KCNH1: variants seen among roughly 807,000 people sequenced by gnomAD.
The protein encoded by KCNH1 is potassium voltage-gated channel subfamily H member 1.
A neutral mutation model predicts 69.2 loss-of-function variants in KCNH1; 27 were observed. The ratio of observed to expected loss-of-function variants is 0.39; its 90% CI spans 0.29 to 0.54. The LOEUF (loss-of-function observed/expected upper bound fraction) is 0.54. Among genes scored for constraint, KCNH1 ranks in the 20% least tolerant of loss-of-function variants. KCNH1 has a pLI of 0.68. For synonymous variants in KCNH1, 456 were observed against 487.7 expected, an observed-to-expected ratio of 0.93 and a Z score of 0.86; for missense variants, 798 against 1,261.6, an observed-to-expected ratio of 0.63 and a Z score of 5.57.
At chr1:210,750,866 C>T (rs188535984) in intron 10 of KCNH1, among the ~76,000 whole-genome samples, 1,581 of 152,102 alleles carry the variant, frequency 0.01, 13 homozygotes, top group South Asian at 0.023. Context: ...AATATGAGAG[C>T]TCATCTAATG....
intron 5 of KCNH1, among the ~76,000 whole-genome samples, chr1:211,024,566 C>T (rs754713739): frequency 1.4e-4 from 21 of 152,084 alleles, no homozygotes; most frequent in African/African-American, 4.3e-4. Context: ...ATTCTATGTA[C>T]GGCTGGGTGT....
intron 9 of KCNH1, among the ~76,000 whole-genome samples, chr1:210,789,969 C>CAGGTGTGATCACGGTGCACT (rs1248386990): frequency 6.6e-6 from 1 of 152,184 alleles, no homozygotes; most frequent in Non-Finnish European, 1.5e-5. Flanking sequence ...TAGCTATTCA[C>CAGGTGTGATCACGGTGCACT]AGGTGTGATC....
At chr1:211,086,530 G>A (rs1282345694) in intron 4 of KCNH1, among the ~76,000 whole-genome samples, 1 of 152,168 alleles carries the variant, frequency 6.6e-6, no homozygotes, top group Non-Finnish European at 1.5e-5. Flanking sequence ...AGGAGCAGAA[G>A]AGGAAGAGTA....
intron 7 of KCNH1, chr1:210,918,924 T>A (rs543146748): frequency 6.6e-6 from 1 of 152,248 alleles, no homozygotes; most frequent in African/African-American, 2.4e-5. Flanking sequence ...ATAATCAATA[T>A]AAAATACAAT....
At chr1:210,739,866 A>G (rs1250095464) in intron 10 of KCNH1, among the ~76,000 whole-genome samples, 2 of 152,178 alleles carry the variant, frequency 1.3e-5, no homozygotes, top group African/African-American at 4.8e-5. Flanking sequence ...GCAGCACAAC[A>G]CAAACCCAGT....
At chr1:211,044,460 C>A (rs1223238784) in intron 5 of KCNH1, among the ~76,000 whole-genome samples, 3 of 152,150 alleles carry the variant, frequency 2.0e-5, no homozygotes, top group Admixed American at 6.6e-5. Flanking sequence ...GAGCAGTCAG[C>A]AGAGTAAACA....
At chr1:210,997,276 C>T (rs558700722) in intron 6 of KCNH1, among the ~76,000 whole-genome samples, 41 of 152,132 alleles carry the variant, frequency 2.7e-4, no homozygotes, top group Middle Eastern at 3.4e-3. Flanking sequence ...AAAAATTAGA[C>T]GAATGGAAAA....
chr1:210,857,498 C>T lies in KCNH1; in HGVS notation c.1463-53332G>A, dbSNP rs142464874. On this transcript the variant is annotated intron_variant, in intron 7 of 10. Coordinates refer to ENST00000271751, the MANE Select transcript of KCNH1 (RefSeq NM_172362.3). ...AACTGTCTGGTGGTCACTGTAAAGG[C>T]TTGAACAGAAAGAAGTCAGGGTGAA... Among the ~76,000 whole-genome samples, 287 of 152,194 alleles carry T rather than the reference C, an allele frequency of 1.9e-3. 1 individual carries two copies. The highest frequency in any genetic ancestry group is 6.4e-3 in the African/African-American group (266 of 41,512).
At chr1:210,933,685 AG>A (rs1687724648) in intron 6 of KCNH1, among the ~76,000 whole-genome samples, 1 of 152,170 alleles carries the variant, frequency 6.6e-6, no homozygotes, top group African/African-American at 2.4e-5. Context: ...AAATAAAATC[AG>A]AAATGAAAAA....
intron 5 of KCNH1, chr1:211,063,384 A>T (rs1246684677): frequency 1.3e-5 from 2 of 152,036 alleles, no homozygotes; most frequent in East Asian, 3.9e-4. Context: ...AGGTGGGGGT[A>T]TATAATGGCT....
rs201384583 is a variant in KCNH1, at chr1:211,115,701, C to CTATATATATATATATATATA, written c.80-8325_80-8324insTATATATATATATATATATA. On this transcript the variant is annotated intron_variant, in intron 1 of 10. Coordinates refer to ENST00000271751, the MANE Select transcript of KCNH1 (RefSeq NM_172362.3). ...GTAAGTTAATACTTAATAAACTCCC[C>CTATATATATATATATATATA]TATATATATATATATGTATATATAT... Among the ~76,000 whole-genome samples, 266 of 70,076 alleles carry CTATATATATATATATATATA rather than the reference C, an allele frequency of 3.8e-3. 9 individuals carry two copies. The highest frequency in any genetic ancestry group is 6.7e-3 in the Middle Eastern group (1 of 150). The allele number at this position is 70,076 out of a possible 152,430, so 46.0% of individuals were successfully genotyped here.
chr1:211,100,723 G>A (rs552526942), intron 3 of KCNH1, among the ~76,000 whole-genome samples: 16 of 152,278 alleles, frequency 1.1e-4, no homozygotes, highest in African/African-American at 3.8e-4. Flanking sequence ...GCACTGGGCT[G>A]GGTGCAAGGG....
At chr1:210,685,235 A>G (rs1202037184) in intron 10 of KCNH1, among the ~76,000 whole-genome samples, 1 of 152,184 alleles carries the variant, frequency 6.6e-6, no homozygotes, top group African/African-American at 2.4e-5. Flanking sequence ...GACCCATATC[A>G]TGTTTGAATT....
Position 210,683,698 on chromosome 1 carries a change from G to A in KCNH1, c.2553C>T (p.Asn851=), listed in dbSNP as rs746809034. The change falls in exon 11 of 11, where the codon AAC becomes AAT. Residue 851 remains asparagine, a synonymous_variant. Transcript: ENST00000271751. The surrounding 1 kb of genome is among the most constrained non-coding windows in gnomAD (Gnocchi z 5.7). ...KDACGKSEDW[N]KVSKAESMET... ...CCATCGACTCAGCCTTGGACACCTTGTTCCAGTCCTCACTCTTCCCGCAAG... is the reference window on the plus strand; with the variant it reads ...CCATCGACTCAGCCTTGGACACCTTATTCCAGTCCTCACTCTTCCCGCAAG... 4 of 1,614,068 alleles carry A rather than the reference G, an allele frequency of 2.5e-6. No homozygotes were observed. The African/African-American group carries it at 5.3e-5, about 22-fold the overall frequency.
In KCNH1 at chr1:211,103,610, C is replaced by T; in HGVS notation, c.204-8G>A. 2 of 1,567,982 alleles carry T rather than the reference C, an allele frequency of 1.3e-6. No individual in the cohort carries two copies. The highest frequency in any genetic ancestry group is 2.3e-5 in the South Asian group (2 of 88,252). On this transcript the variant is annotated splice_region_variant and splice_polypyrimidine_tract_variant and intron_variant, in intron 2 of 10. Coordinates refer to ENST00000271751, the MANE Select transcript of KCNH1 (RefSeq NM_172362.3). ...AGCTCCCCATACATAAAACTGCAAA[C>T]AACCAAAGAACTCAAGTTAGATTAA...
intron 7 of KCNH1, among the ~76,000 whole-genome samples, chr1:210,891,617 G>A (rs1320655733): frequency 1.3e-5 from 2 of 152,026 alleles, no homozygotes; most frequent in Non-Finnish European, 2.9e-5. Context: ...CTGTTGGTGG[G>A]AGTGTAAATT....
intron 7 of KCNH1, among the ~76,000 whole-genome samples, chr1:210,878,120 A>G (rs1054205725): frequency 6.6e-6 from 1 of 152,202 alleles, no homozygotes; most frequent in Non-Finnish European, 1.5e-5. Flanking sequence ...CTCCAAGAAG[A>G]CATAATAATC....
rs191911005 is a variant in KCNH1 at position 211,121,285 on chromosome 1, C to T, written c.79+12582G>A. On this transcript the variant is annotated intron_variant, in intron 1 of 10. Transcript: ENST00000271751. ...CACTACCTGACTTCAAACTACACTA[C>T]GAGGCTATAATAACCAAAACAGCAT... Among the ~76,000 whole-genome samples the T allele has an allele frequency of 1.5e-4, 23 of 152,284 alleles. No individual in the cohort carries two copies. The East Asian group carries it at 1.9e-3, about 13-fold the overall frequency.
At chr1:210,961,822 A>G in intron 6 of KCNH1, among the ~76,000 whole-genome samples, 1 of 150,048 alleles carries the variant, frequency 6.7e-6, no homozygotes, top group East Asian at 1.9e-4. Flanking sequence ...CCTGGGAAAC[A>G]AGAGCAAAAC....
Sources: allele counts gnomAD v4.1 joint callset (sites outside exome capture counted in the v4.1 genomes callset), GRCh38; gene constraint gnomAD v4.1.1; non-coding constraint Gnocchi (gnomAD v3.1); transcripts MANE v1.5; gene names NCBI Gene and HGNC (gene_info 2026-07-23, HGNC 2026-07-21).